The following MIGA1 variants were observed in gnomAD, a reference collection of about 807,000 sequenced individuals.
The protein encoded by MIGA1 is mitoguardin 1.
In MIGA1, 58 loss-of-function variants were observed where a neutral mutation model predicts 82.0. The ratio of observed to expected loss-of-function variants is 0.71; its 90% confidence interval spans 0.57 to 0.88. The LOEUF (loss-of-function observed/expected upper bound fraction) is 0.88. Among genes scored for constraint, MIGA1 ranks in the 40% least tolerant of loss-of-function variants. The pLI is 0.00. For missense variants in MIGA1, 751 were observed against 749.1 expected (o/e 1.00, Z -0.03); for synonymous variants, 249 against 253.6 (o/e 0.98, Z 0.17).
chr1:77,873,032 A>C lies in MIGA1; in HGVS notation c.1592A>C (p.Tyr531Ser). The C allele has an allele frequency of 6.2e-7, 1 of 1,613,996 alleles. No homozygotes were observed. Among genetic ancestry groups the C allele is most frequent in the Non-Finnish European group, 8.5e-7 (1 of 1,179,984 alleles). ...CCAGATGGATTTTTTGCCCATTTTT[A>C]TGCCATTTGTGAACACATCAGTCCT... Residue 531 changes from tyrosine (Y) to serine (S), a missense_variant, in exon 15 of 16, where the codon TAT (tyrosine) becomes TCT (serine). By Grantham distance (144) the Tyr-to-Ser change is moderately radical. Around this residue, in one of 3 missense-constraint regions of MIGA1, gnomAD observed 265 missense variants for 293.6 expected, o/e 0.90. Transcript: ENST00000370791.
chr1:77,811,667 C>T, intron 5 of MIGA1: 5 of 1,612,050 alleles, frequency 3.1e-6, no homozygotes, highest in South Asian at 1.1e-5. Flanking sequence ...AGATGTCTTG[C>T]TAATATCTGA....
chr1:77,813,907 A>C, intron 6 of MIGA1, 40 bp downstream of exon 6: 1 of 1,602,290 alleles, frequency 6.2e-7, no homozygotes, highest in Non-Finnish European at 8.5e-7. Context: ...TAATATTAGA[A>C]GAATCAAACT....
chr1:77,813,572 G>A (rs1433623865), intron 5 of MIGA1, among the ~76,000 whole-genome samples, 162 bp from the exon 6 acceptor site: 1 of 152,202 alleles, frequency 6.6e-6, no homozygotes, highest in African/African-American at 2.4e-5. Flanking sequence ...GGCTGAGAAT[G>A]TATTGGGAAA....
chr1:77,839,595 C>T (rs1684554792), intron 7 of MIGA1, among the ~76,000 whole-genome samples: 1 of 151,968 alleles, frequency 6.6e-6, no homozygotes, highest in African/African-American at 2.4e-5. Context: ...TGATCTTGAA[C>T]TCCTGGGGCT....
At chr1:77,813,571 T>A (rs1037505510) in intron 5 of MIGA1, among the ~76,000 whole-genome samples, 163 bp from the exon 6 acceptor site, 2 of 152,238 alleles carry the variant, frequency 1.3e-5, no homozygotes, top group South Asian at 4.1e-4. Flanking sequence ...AGGCTGAGAA[T>A]GTATTGGGAA....
At chr1:77,861,441 C>T in intron 12 of MIGA1, 119 bp downstream of exon 12, 1 of 673,258 alleles carries the variant, frequency 1.5e-6, no homozygotes, top group Non-Finnish European at 2.5e-6. Context: ...GGTTGTGGGA[C>T]ATCTTTTTTT....
At chr1:77,813,398 T>C (rs1683433319) in intron 5 of MIGA1, among the ~76,000 whole-genome samples, 1 of 152,238 alleles carries the variant, frequency 6.6e-6, no homozygotes, top group African/African-American at 2.4e-5. Flanking sequence ...TTTTGAAACA[T>C]AGTTGTGTGG....
intron 5 of MIGA1, among the ~76,000 whole-genome samples, chr1:77,813,197 G>C (rs1683416317): frequency 6.6e-6 from 1 of 152,094 alleles, no homozygotes; most frequent in South Asian, 2.1e-4. Flanking sequence ...GGCCAGGCTG[G>C]TCTCGAACTC....
chr1:77,865,766 T>G (rs1158836293), intron 13 of MIGA1, among the ~76,000 whole-genome samples: 1 of 152,008 alleles, frequency 6.6e-6, no homozygotes, highest in Non-Finnish European at 1.5e-5. Flanking sequence ...TTAGTGGCTT[T>G]GTGTTTAATT....
chr1:77,870,843 A>C (rs1057307330), intron 14 of MIGA1, among the ~76,000 whole-genome samples: 31 of 151,258 alleles, frequency 2.0e-4, no homozygotes, highest in African/African-American at 7.0e-4. Flanking sequence ...GCACCTCGGG[A>C]GGCCGAGGCC....
At chr1:77,783,756 T>A (rs1366188524) in intron 2 of MIGA1, among the ~76,000 whole-genome samples, 1 of 152,244 alleles carries the variant, frequency 6.6e-6, no homozygotes, top group Non-Finnish European at 1.5e-5. Context: ...TTCACATTGT[T>A]GTACAAACAA....
chr1:77,817,955 AT>A (rs10676009), intron 7 of MIGA1, among the ~76,000 whole-genome samples: 13,080 of 115,406 alleles, frequency 0.11, 1,000 homozygotes, highest in African/African-American at 0.28. Flanking sequence ...AGATTGGAAG[AT>A]TTTTTTTTTT....
chr1:77,811,194 C>T, intron 5 of MIGA1: 1 of 1,544,816 alleles, frequency 6.5e-7, no homozygotes, highest in Non-Finnish European at 9.0e-7. Flanking sequence ...CTATGCCATT[C>T]AGATCCTTTA....
At position 77,863,712 on chromosome 1, in the gene MIGA1, G is replaced by A. The variant is rs968616959; in HGVS notation, c.1375-182G>A. Reference sequence around the variant, plus strand: ...CACTTGAGATCTAGGAAGGAGCAGCGATAATGTGAATTCGTAATTTCTAGT... The same window carrying A: ...CACTTGAGATCTAGGAAGGAGCAGCAATAATGTGAATTCGTAATTTCTAGT... On this transcript the variant is annotated intron_variant, in intron 12 of 15. Coordinates refer to ENST00000370791, the MANE Select transcript of MIGA1 (RefSeq NM_198549.4). 5.9e-5 allele frequency among the ~76,000 whole-genome samples: 9 copies of A among 152,158 alleles called. 1 individual carries two copies. The South Asian group carries it at 1.4e-3, about 24-fold the overall frequency.
intron 2 of MIGA1, among the ~76,000 whole-genome samples, chr1:77,796,848 T>C (rs889973117): frequency 1.3e-5 from 2 of 152,206 alleles, no homozygotes; most frequent in African/African-American, 2.4e-5. Flanking sequence ...TGTTCTTTGT[T>C]GTGCCCAGTT....
chr1:77,785,385 C>T (rs1682114164), intron 2 of MIGA1, among the ~76,000 whole-genome samples: 1 of 151,676 alleles, frequency 6.6e-6, no homozygotes, highest in Non-Finnish European at 1.5e-5. Flanking sequence ...CTCTTGTTGC[C>T]CAGGCTGAAG....
intron 2 of MIGA1, among the ~76,000 whole-genome samples, chr1:77,787,167 G>A (rs548686549): frequency 2.6e-5 from 4 of 152,196 alleles, no homozygotes; most frequent in Admixed American, 2.6e-4. Flanking sequence ...GCAAGGGAAG[G>A]ACTTGTCCCC....
intron 8 of MIGA1, 66 bp from the exon 9 acceptor site, chr1:77,858,872 G>C: frequency 1.2e-6 from 1 of 865,920 alleles, no homozygotes; most frequent in Non-Finnish European, 1.9e-6. Context: ...CTCCCAAAGT[G>C]TTGCAATTAC....
chr1:77,799,878 T>C (rs1682806016), intron 2 of MIGA1, among the ~76,000 whole-genome samples: 1 of 151,914 alleles, frequency 6.6e-6, no homozygotes, highest in Admixed American at 6.6e-5. Flanking sequence ...CAGCTGTTGG[T>C]CTTATTGATT....
Sources: allele counts gnomAD v4.1 joint callset (sites outside exome capture counted in the v4.1 genomes callset), GRCh38; gene constraint gnomAD v4.1.1; regional missense constraint gnomAD v4.1.1; transcripts MANE v1.5; gene names NCBI Gene and HGNC (gene_info 2026-07-23, HGNC 2026-07-21).